Variants in RP1 observed in about 807,000 individuals in gnomAD.
RP1 encodes the protein RP1 axonemal microtubule associated.
In RP1, 16 loss-of-function variants were observed where a neutral mutation model predicts 14.8. The observed-to-expected ratio is 1.08, with a 90% CI of 0.73 to 1.65. The LOEUF is 1.65. Among genes scored for constraint, RP1 ranks in the 40% most tolerant of loss-of-function variants. The pLI is 0.00. For synonymous variants in RP1, 876 were observed against 883.6 expected (o/e 0.99, Z 0.15); for missense variants, 2,631 against 2,535.0 (o/e 1.04, Z -0.81).
intron 27 of RP1, among the ~76,000 whole-genome samples, chr8:54,857,871 G>C (rs1303431851): frequency 6.6e-6 from 1 of 151,998 alleles, no homozygotes; most frequent in African/African-American, 2.4e-5. Context: ...CTTTCCTACT[G>C]GCTCCCTTAG....
At chr8:54,683,535 A>G (rs942083258) in intron 12 of RP1, among the ~76,000 whole-genome samples, 2 of 152,102 alleles carry the variant, frequency 1.3e-5, no homozygotes, top group East Asian at 1.9e-4. Flanking sequence ...TGTTAGCTGT[A>G]TTCCTAGGTA....
chr8:54,699,491 A>G, exon 13 of RP1: 2 of 1,385,858 alleles, frequency 1.4e-6, no homozygotes, highest in African/African-American at 1.4e-5. Flanking sequence ...ATTTTCAACA[A>G]AAGAAATATA....
chr8:54,682,028 G>T (rs1165868419), intron 12 of RP1, among the ~76,000 whole-genome samples: 2 of 152,050 alleles, frequency 1.3e-5, no homozygotes, highest in East Asian at 3.9e-4. Flanking sequence ...CTTCATAATA[G>T]TATGATTTAT....
chr8:54,676,575 A>G (rs1807299524), intron 8 of RP1, among the ~76,000 whole-genome samples: 2 of 152,226 alleles, frequency 1.3e-5, no homozygotes, highest in African/African-American at 2.4e-5. Context: ...TACATATGTA[A>G]ACAATGCCGG....
In RP1 at chr8:54,626,264, A is replaced by G; in HGVS notation, c.2382A>G (p.Glu794=). 1.9e-6 allele frequency: 3 copies of G among 1,613,532 alleles called. No homozygotes were observed. Among genetic ancestry groups the G allele is most frequent in the Non-Finnish European group, 2.5e-6 (3 of 1,179,718 alleles). The part of the protein sequence containing the change: ...KISLGAPKKR[E]IGQRDKVFPH... ...GCTTAGGAGCACCTAAAAAAAGAGA[A>G]ATCGGTCAAAGAGATAAAGTGTTTC... The change falls in exon 4 of 4, where the codon GAA becomes GAG. Residue 794 remains glutamate (E), a synonymous_variant. Transcript: ENST00000220676.
In RP1 at chr8:54,627,620, C is replaced by T; in HGVS notation, c.3738C>T (p.Ala1246=). The part of the protein sequence containing the change: ...DGGCSASEAC[A]PEVCVLEVTC... ...GTTGCTCTGCCAGTGAGGCATGTGC[C>T]CCTGAAGTCTGTGTTTTGGAAGTGA... Residue 1246 remains alanine (A), a synonymous_variant, in exon 4 of 4, where the codon GCC becomes GCT. Transcript: ENST00000220676. The T allele has an allele frequency of 2.5e-6, 4 of 1,614,158 alleles. No individual in the cohort carries two copies. Among genetic ancestry groups the T allele is most frequent in the Non-Finnish European group, 2.5e-6 (3 of 1,179,992 alleles).
rs1806049498 is a variant in RP1, at chr8:54,626,381, T to G, written c.2499T>G (p.Phe833Leu). Reference sequence around the variant, plus strand: ...TCCTTGAGCAAAAACCCAAAGATTTTTATGCACCGCAATCTCAAGCAGAAG... The same window carrying G: ...TCCTTGAGCAAAAACCCAAAGATTTGTATGCACCGCAATCTCAAGCAGAAG... Reference protein sequence around the residue: ...FNILEQKPKDFYAPQSQAEVA... With the variant: ...FNILEQKPKDLYAPQSQAEVA... The change falls in exon 4 of 4, where the codon TTT (phenylalanine) becomes TTG (leucine). Residue 833 changes from phenylalanine (F) to leucine (L), a missense_variant. By Grantham distance (22) the Phe-to-Leu change is conservative. Transcript: ENST00000220676. 1 of 1,613,436 alleles carries G rather than the reference T, an allele frequency of 6.2e-7. No individual in the cohort carries two copies. The highest frequency in any genetic ancestry group is 1.3e-5 in the African/African-American group (1 of 74,822).
At chr8:54,569,925 T>G (rs995553248) in intron 1 of RP1, among the ~76,000 whole-genome samples, 15 of 152,172 alleles carry the variant, frequency 9.9e-5, no homozygotes, top group Admixed American at 7.9e-4. Flanking sequence ...CCTCTCAGTC[T>G]CCACCTGAGA....
At chr8:54,704,386 C>T (rs1255456735) in intron 14 of RP1, among the ~76,000 whole-genome samples, 1 of 152,142 alleles carries the variant, frequency 6.6e-6, no homozygotes, top group Non-Finnish European at 1.5e-5. Context: ...ACACACACAG[C>T]ATTTGTTGAT....
chr8:54,598,798 A>T (rs905784582), intron 1 of RP1, among the ~76,000 whole-genome samples: 1 of 152,044 alleles, frequency 6.6e-6, no homozygotes, highest in Non-Finnish European at 1.5e-5. Flanking sequence ...TATCCTTCGG[A>T]GCTTCTTGAC....
At chr8:54,812,765 CTAT>C in intron 24 of RP1, among the ~76,000 whole-genome samples, 1 of 107,444 alleles carries the variant, frequency 9.3e-6, no homozygotes, top group Middle Eastern at 5.0e-3. Context: ...TATCTATCAT[CTAT>C]CTATCTATCT....
intron 24 of RP1, among the ~76,000 whole-genome samples, chr8:54,823,941 C>T (rs1019548133): frequency 6.6e-6 from 1 of 152,104 alleles, no homozygotes; most frequent in Non-Finnish European, 1.5e-5. Flanking sequence ...TCCATCCCTG[C>T]AAGCATTTGA....
chr8:54,732,282 C>T (rs933246075), intron 17 of RP1, among the ~76,000 whole-genome samples: 1 of 152,196 alleles, frequency 6.6e-6, no homozygotes, highest in Non-Finnish European at 1.5e-5. Flanking sequence ...TCCTCAATTA[C>T]TCACTTCCTG....
chr8:54,632,440 T>G (rs2129319532), downstream of RP1, among the ~76,000 whole-genome samples: 1 of 152,338 alleles, frequency 6.6e-6, no homozygotes, highest in East Asian at 1.9e-4. Flanking sequence ...CATACTTCTT[T>G]AAAGTGAACG....
chr8:54,723,438 CT>C (rs1808580759), intron 16 of RP1, among the ~76,000 whole-genome samples: 1 of 152,026 alleles, frequency 6.6e-6, no homozygotes, highest in Non-Finnish European at 1.5e-5. Flanking sequence ...GTTTAATTTA[CT>C]GTGTATTGGG....
intron 22 of RP1, among the ~76,000 whole-genome samples, chr8:54,760,156 A>G (rs1287562328): frequency 2.0e-5 from 3 of 152,260 alleles, no homozygotes; most frequent in Non-Finnish European, 4.4e-5. Flanking sequence ...GGTGAGATCA[A>G]CAGTAGCCCT....
intron 24 of RP1, among the ~76,000 whole-genome samples, chr8:54,831,551 T>C (rs1563389923): frequency 6.6e-6 from 1 of 151,632 alleles, no homozygotes; most frequent in Non-Finnish European, 1.5e-5. Flanking sequence ...CCCATTAATA[T>C]CCCTTCAACC....
intron 1 of RP1, among the ~76,000 whole-genome samples, chr8:54,573,796 A>G (rs1284712060): frequency 6.6e-6 from 1 of 152,230 alleles, no homozygotes; most frequent in Non-Finnish European, 1.5e-5. Flanking sequence ...ACACAAAGCT[A>G]CATTACAGGA....
rs374224586 is a variant in RP1, at chr8:54,649,054, T to C, written c.857T>C (p.Ile286Thr). ...GCAGGGACCAGCTCACAGATTTATATTATTCTGTATGGACAACATAGAAGT... is the reference window on the plus strand; with the variant it reads ...GCAGGGACCAGCTCACAGATTTATACTATTCTGTATGGACAACATAGAAGT... The change falls in exon 4 of 23, where the codon ATT (isoleucine) becomes ACT (threonine). Residue 286 changes from isoleucine to threonine, a missense_variant. Ile to Thr is a moderately conservative substitution (Grantham distance 89, BLOSUM62 -1). Coordinates refer to the RP1 transcript ENST00000636932. 7 of 1,532,460 alleles carry C rather than the reference T, an allele frequency of 4.6e-6. No individual in the cohort carries two copies. In the South Asian group the frequency reaches 4.8e-5, roughly 11 times the overall value. The allele number at this position is 1,532,460 out of a possible 1,614,324, so 94.9% of individuals were successfully genotyped here. A position where few individuals can be genotyped will look rare whatever the true frequency, so the allele number is the denominator to read the frequency against.
Sources: gnomAD v4.1 joint callset for allele counts (sites outside exome capture counted in the v4.1 genomes callset) on GRCh38, gnomAD v4.1.1 for gene constraint, MANE v1.5 for transcripts, NCBI Gene and HGNC (gene_info 2026-07-23, HGNC 2026-07-21) for gene names.